The following ERI3 variants were observed in gnomAD, a reference collection of about 807,000 sequenced individuals.
The protein encoded by ERI3 is ERI1 exoribonuclease family member 3, also known as ERI1 exoribonuclease 3.
In ERI3, 18 loss-of-function variants were observed where a neutral mutation model predicts 44.4. That is an observed-to-expected ratio of 0.41 (90% CI 0.28 to 0.60). ERI3 has a LOEUF of 0.60. Ranked by LOEUF, ERI3 falls within the 20% of genes least tolerant of loss-of-function variation. ERI3 has a pLI of 0.36. For synonymous variants in ERI3, 183 were observed against 164.8 expected (o/e 1.11, Z -0.84); for missense variants, 294 against 435.5 (o/e 0.68, Z 2.89).
intron 8 of ERI3, among the ~76,000 whole-genome samples, chr1:44,222,640 T>C (rs1643929810): frequency 2.6e-5 from 4 of 152,124 alleles, no homozygotes; most frequent in Admixed American, 2.0e-4. Context: ...CTTATTCCAC[T>C]AGCAGAAGCC....
Position 44,237,704 on chromosome 1 carries a change from C to A in ERI3, c.931+10235G>T, listed in dbSNP as rs142567042. Among the ~76,000 whole-genome samples, 137 of 152,282 alleles carry A rather than the reference C, an allele frequency of 9.0e-4. 1 individual carries two copies. The highest frequency in any genetic ancestry group is 1.5e-3 in the Non-Finnish European group (105 of 68,022). ...TGAACTAGGTGCAGCTCTGCCAGGG[C>A]AGAGGCCTCACTGTGCACATGCTCA... On this transcript the variant is annotated intron_variant, in intron 8 of 8. Transcript: ENST00000372257.
At chr1:44,280,046 C>G (rs1416629766) in intron 7 of ERI3, among the ~76,000 whole-genome samples, 1 of 152,196 alleles carries the variant, frequency 6.6e-6, no homozygotes, top group Non-Finnish European at 1.5e-5. Flanking sequence ...CCACATTCAT[C>G]TGGTTACAAT....
chr1:44,310,946 G>A (rs1279862605), intron 5 of ERI3, among the ~76,000 whole-genome samples: 2 of 130,602 alleles, frequency 1.5e-5, no homozygotes, highest in Admixed American at 7.5e-5. Context: ...GCATGTATGT[G>A]CACATCGCGC....
intron 7 of ERI3, among the ~76,000 whole-genome samples, chr1:44,281,601 A>AAAT (rs1460400186): frequency 0.026 from 3,272 of 127,876 alleles, 208 homozygotes; most frequent in African/African-American, 0.1. Context: ...AAAAAAAAAA[A>AAAT]ATATATATAT....
chr1:44,269,744 T>C (rs1361788373), intron 7 of ERI3, among the ~76,000 whole-genome samples: 2 of 152,216 alleles, frequency 1.3e-5, no homozygotes, highest in African/African-American at 4.8e-5. Flanking sequence ...CTTCAGGTGG[T>C]ATCTGCTATG....
intron 8 of ERI3, chr1:44,242,155 C>G: frequency 2.0e-6 from 2 of 984,772 alleles, no homozygotes; most frequent in Non-Finnish European, 2.4e-6. Context: ...AGGGCCACAC[C>G]AGAAAGAACT....
chr1:44,258,045 G>A (rs1372157852), intron 7 of ERI3, among the ~76,000 whole-genome samples: 1 of 152,120 alleles, frequency 6.6e-6, no homozygotes, highest in African/African-American at 2.4e-5. Context: ...TCCTGATACT[G>A]AGCTGTTAGG....
At chr1:44,302,578 G>A (rs892303999) in intron 6 of ERI3, among the ~76,000 whole-genome samples, 5 of 152,214 alleles carry the variant, frequency 3.3e-5, no homozygotes, top group Non-Finnish European at 7.3e-5. Flanking sequence ...TTGTAACCCT[G>A]GAAGGAGGCT....
At chr1:44,325,802 C>A (rs1422052531) in intron 3 of ERI3, among the ~76,000 whole-genome samples, 1 of 152,122 alleles carries the variant, frequency 6.6e-6, no homozygotes, top group East Asian at 1.9e-4. Context: ...GCTGGGATTA[C>A]CATGCCCAGC....
At chr1:44,284,992 T>C (rs1238876960) in intron 6 of ERI3, 85 bp from the exon 7 acceptor site, 8 of 1,185,240 alleles carry the variant, frequency 6.7e-6, no homozygotes, top group South Asian at 5.0e-5. Context: ...CAACAGAGCA[T>C]ACAAGACAAA....
intron 8 of ERI3, among the ~76,000 whole-genome samples, chr1:44,225,718 C>T (rs970172275): frequency 3.3e-5 from 5 of 152,152 alleles, no homozygotes; most frequent in Non-Finnish European, 7.3e-5. Flanking sequence ...AAAGAGCTCA[C>T]AAAGGGCAAA....
chr1:44,353,303 T>G, intron 1 of ERI3: 1 of 985,256 alleles, frequency 1.0e-6, no homozygotes, highest in Non-Finnish European at 1.2e-6. Context: ...GGGGTAGGGG[T>G]TGGTTGCCAC....
At chr1:44,243,348 A>AC (rs1159029372) in intron 8 of ERI3, 2 of 152,232 alleles carry the variant, frequency 1.3e-5, no homozygotes, top group Non-Finnish European at 2.9e-5. Context: ...GCCAGCTGAA[A>AC]CCAGCAGTAG....
intron 4 of ERI3, among the ~76,000 whole-genome samples, chr1:44,314,385 T>G (rs1001323391): frequency 6.6e-6 from 1 of 152,206 alleles, no homozygotes; most frequent in Non-Finnish European, 1.5e-5. Flanking sequence ...TTTAAGGAAG[T>G]GTAAGGACAC....
chr1:44,295,624 T>G (rs1041223359), intron 6 of ERI3, among the ~76,000 whole-genome samples: 1 of 152,182 alleles, frequency 6.6e-6, no homozygotes, highest in Admixed American at 6.5e-5. Flanking sequence ...GGAGGGTAAC[T>G]GATATTTACT....
chr1:44,322,990 C>G, intron 3 of ERI3: 1 of 1,304,136 alleles, frequency 7.7e-7, no homozygotes, highest in South Asian at 1.9e-5. Flanking sequence ...TGTCCAGTTG[C>G]TCAGATAATG....
chr1:44,350,394 T>A (rs1008146894), intron 2 of ERI3, among the ~76,000 whole-genome samples: 1 of 152,116 alleles, frequency 6.6e-6, no homozygotes, highest in Non-Finnish European at 1.5e-5. Flanking sequence ...CCCAAGTAGC[T>A]GGGATTACAG....
At chr1:44,260,242 G>C (rs12738027) in intron 7 of ERI3, among the ~76,000 whole-genome samples, 1,900 of 152,336 alleles carry the variant, frequency 0.012, 26 homozygotes, top group Non-Finnish European at 0.02. Context: ...TGAGTGGAGA[G>C]ACCCACAGTA....
At position 44,247,946 on chromosome 1, in the gene ERI3, G is replaced by A. The variant is rs764082106; in HGVS notation, c.924C>T (p.Ser308=). Residue 308 remains serine, a synonymous_variant, in exon 8 of 9, where the codon AGC becomes AGT. Coordinates refer to ENST00000372257, the MANE Select transcript of ERI3 (RefSeq NM_024066.3). Reference sequence around the variant, plus strand: ...ATATGCGAAGGGACTGACCAATGCCGCTGTGGGGCCGGCCTATGTGTTGCA... The same window carrying A: ...ATATGCGAAGGGACTGACCAATGCCACTGTGGGGCCGGCCTATGTGTTGCA... ...LSLQHIGRPH[S]GIDDCKNIAN... is the part of the protein sequence containing the mutation. 4 of 1,611,822 alleles carry A rather than the reference G, an allele frequency of 2.5e-6. No homozygotes were observed. The highest frequency in any genetic ancestry group is 1.3e-5 in the African/African-American group (1 of 74,990).
Sources: gnomAD v4.1 joint callset for allele counts (sites outside exome capture counted in the v4.1 genomes callset) on GRCh38, gnomAD v4.1.1 for gene constraint, MANE v1.5 for transcripts, NCBI Gene and HGNC (gene_info 2026-07-23, HGNC 2026-07-21) for gene names.